CSMD1: variants seen among roughly 807,000 people sequenced by gnomAD.
CSMD1 encodes the protein CUB and Sushi multiple domains 1, also known as CUB and sushi domain-containing protein 1.
A neutral mutation model predicts 417.5 loss-of-function variants in CSMD1; 213 were observed. That is an observed-to-expected ratio of 0.51 (90% CI 0.46 to 0.57). The LOEUF is 0.57. CSMD1 is among the 20% of genes least tolerant of loss of function. The pLI is 0.00. For missense variants in CSMD1, 6,923 were observed against 4,529.7 expected (o/e 1.53, Z -15.17); for synonymous variants, 2,862 against 1,736.8 (o/e 1.65, Z -16.11).
intron 3 of CSMD1, among the ~76,000 whole-genome samples, chr8:4,401,661 T>C (rs1429934672): frequency 6.6e-6 from 1 of 152,146 alleles, no homozygotes; most frequent in African/African-American, 2.4e-5. Flanking sequence ...CATCTCATTT[T>C]ATTCTCATCC....
intron 11 of CSMD1, among the ~76,000 whole-genome samples, chr8:3,469,393 T>C (rs1257891072): frequency 6.6e-6 from 1 of 152,198 alleles, no homozygotes; most frequent in African/African-American, 2.4e-5. Flanking sequence ...ACAACATGCA[T>C]AGCTGAAATA....
chr8:3,661,014 T>A (rs906567981), intron 7 of CSMD1, among the ~76,000 whole-genome samples: 6 of 152,198 alleles, frequency 3.9e-5, no homozygotes, highest in Admixed American at 2.0e-4. Flanking sequence ...CGTCAACTGC[T>A]ATTTGGTATG....
At chr8:4,295,483 C>T (rs368430486) in intron 3 of CSMD1, among the ~76,000 whole-genome samples, 3 of 140,946 alleles carry the variant, frequency 2.1e-5, no homozygotes, top group Admixed American at 1.5e-4. Flanking sequence ...CACATATAAT[C>T]TTAAGATTAA....
intron 21 of CSMD1, among the ~76,000 whole-genome samples, chr8:3,349,273 A>G (rs1808232059): frequency 6.6e-6 from 1 of 152,144 alleles, no homozygotes; most frequent in Admixed American, 6.6e-5. Context: ...CACGATACTG[A>G]TTCTTTCACA....
Position 3,548,908 on chromosome 8 carries a change from T to A in CSMD1, c.1344+26037A>T, listed in dbSNP as rs574047563. The stretch of plus-strand genomic sequence containing the variant: ...GAGTCCACATCCTCCCCTTCTCACC[T>A]GGTGGTCACACACACTAAGTTCTCG... On this transcript the variant is annotated intron_variant, in intron 10 of 69. Coordinates refer to ENST00000635120, the MANE Select transcript of CSMD1 (RefSeq NM_033225.6). Among the ~76,000 whole-genome samples the A allele has an allele frequency of 1.1e-3, 170 of 152,226 alleles. 1 individual carries two copies. Among genetic ancestry groups the A allele is most frequent in the Non-Finnish European group, 2.1e-4 (14 of 68,018 alleles).
intron 26 of CSMD1, among the ~76,000 whole-genome samples, chr8:3,252,640 C>G (rs979705313): frequency 6.6e-6 from 1 of 152,148 alleles, no homozygotes; most frequent in African/African-American, 2.4e-5. Context: ...GGAATGGTAG[C>G]AGTTCCTCCT....
chr8:4,662,050 C>A lies in CSMD1; in HGVS notation c.86-24492G>T, dbSNP rs553793827. Reference sequence around the variant, plus strand: ...GGACATACACAGGTCAATGATGTAACTGTGTTGAGACATTATATTAAGATA... The same window carrying A: ...GGACATACACAGGTCAATGATGTAAATGTGTTGAGACATTATATTAAGATA... On this transcript the variant is annotated intron_variant, in intron 1 of 69. Transcript: ENST00000635120. Among the ~76,000 whole-genome samples the A allele has an allele frequency of 1.3e-5, 2 of 152,194 alleles. 1 individual carries two copies. The highest frequency in any genetic ancestry group is 4.1e-4 in the South Asian group (2 of 4,824).
intron 1 of CSMD1, among the ~76,000 whole-genome samples, chr8:4,978,070 G>C (rs1368786982): frequency 6.6e-6 from 1 of 152,192 alleles, no homozygotes; most frequent in Non-Finnish European, 1.5e-5. Flanking sequence ...ACCTGACTTT[G>C]AGAAGTGTGT....
intron 10 of CSMD1, among the ~76,000 whole-genome samples, chr8:3,532,720 C>T (rs901000560): frequency 1.3e-5 from 2 of 152,114 alleles, no homozygotes; most frequent in Admixed American, 6.5e-5. Flanking sequence ...CTTAAAATAA[C>T]ACTTTCAGTA....
chr8:4,676,482 T>A (rs115946047), intron 1 of CSMD1, among the ~76,000 whole-genome samples: 1 of 152,128 alleles, frequency 6.6e-6, no homozygotes, highest in Non-Finnish European at 1.5e-5. Flanking sequence ...CTTCAACTTA[T>A]CACAGGTCCT....
intron 1 of CSMD1, among the ~76,000 whole-genome samples, chr8:4,864,881 CACACACACACACACAA>C (rs1422307561): frequency 6.7e-6 from 1 of 149,202 alleles, no homozygotes; most frequent in Non-Finnish European, 1.5e-5. Flanking sequence ...CTACTACACA[CACACACACACACACAA>C]ACACACACAC....
At chr8:3,730,017 T>G (rs2623691) in intron 6 of CSMD1, among the ~76,000 whole-genome samples, 112,311 of 115,906 alleles carry the variant, frequency 0.97, 54,731 homozygotes, top group East Asian at 1. Context: ...AGGAGAAAAA[T>G]CTTTGGTCGA....
intron 5 of CSMD1, among the ~76,000 whole-genome samples, chr8:3,789,466 G>T (rs1471816485): frequency 1.4e-5 from 2 of 139,890 alleles, no homozygotes. Flanking sequence ...TTAAGTAAGG[G>T]ACAAAACTTT....
At chr8:4,702,788 G>A (rs1807663726) in intron 1 of CSMD1, among the ~76,000 whole-genome samples, 1 of 152,094 alleles carries the variant, frequency 6.6e-6, no homozygotes, top group Non-Finnish European at 1.5e-5. Context: ...ATGTTAGGTA[G>A]CAAAATAAAT....
At chr8:4,987,994 G>C (rs774726821) in intron 1 of CSMD1, among the ~76,000 whole-genome samples, 13 of 152,096 alleles carry the variant, frequency 8.5e-5, no homozygotes, top group Non-Finnish European at 1.6e-4. Context: ...AGCCTATTGT[G>C]GGAATTCACT....
At chr8:4,730,033 T>G (rs1232303320) in intron 1 of CSMD1, among the ~76,000 whole-genome samples, 1 of 152,138 alleles carries the variant, frequency 6.6e-6, no homozygotes, top group African/African-American at 2.4e-5. Flanking sequence ...GCTCCCATGT[T>G]AATGTTTTAA....
Position 4,400,140 on chromosome 8 carries a change from G to C in CSMD1, c.415+19813C>G, listed in dbSNP as rs143210912. Among the ~76,000 whole-genome samples, 1,385 of 152,188 alleles carry C rather than the reference G, an allele frequency of 9.1e-3. 8 individuals are homozygous for C. The highest frequency in any genetic ancestry group is 0.015 in the Non-Finnish European group (1,026 of 68,008). ...TCTGCTCTATAGTAATTTGTATTTG[G>C]GAAAATATAGCTGTGGTTAGGGAAG... On this transcript the variant is annotated intron_variant, in intron 3 of 69. Coordinates refer to ENST00000635120, the MANE Select transcript of CSMD1 (RefSeq NM_033225.6).
intron 7 of CSMD1, among the ~76,000 whole-genome samples, chr8:3,641,417 G>C (rs1797303351): frequency 6.6e-6 from 1 of 151,976 alleles, no homozygotes; most frequent in Non-Finnish European, 1.5e-5. Context: ...ATAAAAATTG[G>C]GTTCTTCTTA....
At chr8:4,863,309 T>TA (rs1019298145) in intron 1 of CSMD1, among the ~76,000 whole-genome samples, 1 of 152,052 alleles carries the variant, frequency 6.6e-6, no homozygotes. Context: ...AAGCTCTCAA[T>TA]AAATGGCAGT....
Sources: gnomAD v4.1 joint callset for allele counts (sites outside exome capture counted in the v4.1 genomes callset) on GRCh38, gnomAD v4.1.1 for gene constraint, MANE v1.5 for transcripts, NCBI Gene and HGNC (gene_info 2026-07-23, HGNC 2026-07-21) for gene names.